Variants in NRXN3 observed in about 807,000 individuals in gnomAD.
The protein encoded by NRXN3 is neurexin 3.
In NRXN3, 32 loss-of-function variants were observed where a neutral mutation model predicts 137.6. That is an observed-to-expected ratio of 0.23 (90% confidence interval 0.18 to 0.31). The LOEUF (loss-of-function observed/expected upper bound fraction) is 0.31, where lower values mean the gene tolerates loss of function less well. Ranked by LOEUF, NRXN3 falls within the 10% of genes least tolerant of loss-of-function variation. The pLI is 1.00. For synonymous variants in NRXN3, 798 were observed against 784.5 expected (o/e 1.02, Z -0.29); for missense variants, 1,574 against 2,062.5 (o/e 0.76, Z 4.59).
At chr14:78,929,016 C>T (rs571756970) in intron 10 of NRXN3, among the ~76,000 whole-genome samples, 78 of 152,100 alleles carry the variant, frequency 5.1e-4, no homozygotes, top group Non-Finnish European at 9.3e-4. Context: ...TGGTATCTCA[C>T]TGTGGTCTTG....
intron 4 of NRXN3, among the ~76,000 whole-genome samples, chr14:78,569,586 T>A (rs949402970): frequency 1.4e-5 from 2 of 144,498 alleles, no homozygotes; most frequent in African/African-American, 5.2e-5. Context: ...TTTTTTGAGA[T>A]GGAGTCTCCC....
At chr14:79,814,596 T>C (rs543813211) in intron 20 of NRXN3, among the ~76,000 whole-genome samples, 1 of 152,336 alleles carries the variant, frequency 6.6e-6, no homozygotes, top group African/African-American at 2.4e-5. Flanking sequence ...CCCTTGTTGA[T>C]TATTTTTGGT....
intron 15 of NRXN3, among the ~76,000 whole-genome samples, chr14:79,108,564 G>C (rs2052892528): frequency 6.6e-6 from 1 of 152,114 alleles, no homozygotes; most frequent in African/African-American, 2.4e-5. Flanking sequence ...AAGGAGTACT[G>C]TCTGAAACTT....
At chr14:78,881,676 T>A (rs568227819) in intron 10 of NRXN3, among the ~76,000 whole-genome samples, 2 of 151,714 alleles carry the variant, frequency 1.3e-5, no homozygotes, top group African/African-American at 4.9e-5. Context: ...ATTTTATATA[T>A]TCACAAAGAT....
intron 8 of NRXN3, among the ~76,000 whole-genome samples, chr14:78,779,949 A>G (rs2098762729): frequency 6.6e-6 from 1 of 152,190 alleles, no homozygotes; most frequent in Non-Finnish European, 1.5e-5. Context: ...ATGGAATTTG[A>G]CAAGCTAACT....
intron 4 of NRXN3, among the ~76,000 whole-genome samples, chr14:78,425,040 T>C (rs990543738): frequency 1.3e-5 from 2 of 152,206 alleles, no homozygotes; most frequent in African/African-American, 2.4e-5. Context: ...GATCTACAAA[T>C]TGGACTGAAC....
At chr14:79,747,857 G>A (rs1203818970) in intron 19 of NRXN3, among the ~76,000 whole-genome samples, 1 of 152,082 alleles carries the variant, frequency 6.6e-6, no homozygotes, top group Non-Finnish European at 1.5e-5. Flanking sequence ...CTTGATGTGT[G>A]TCTTTGGGTG....
At chr14:78,998,101 C>G (rs1260553914) in intron 15 of NRXN3, among the ~76,000 whole-genome samples, 2 of 152,300 alleles carry the variant, frequency 1.3e-5, no homozygotes, top group East Asian at 1.9e-4. Flanking sequence ...TTTATCTTCT[C>G]TATTTCAGAA....
chr14:79,147,783 A>G (rs1225049481), intron 15 of NRXN3, among the ~76,000 whole-genome samples: 2 of 152,128 alleles, frequency 1.3e-5, no homozygotes, highest in African/African-American at 4.8e-5. Context: ...TGCTTTCCAG[A>G]TGCCACCTTT....
intron 15 of NRXN3, among the ~76,000 whole-genome samples, chr14:79,289,875 G>C (rs1161569705): frequency 3.3e-5 from 5 of 152,134 alleles, no homozygotes; most frequent in Non-Finnish European, 5.9e-5. Context: ...GATCTTGTTT[G>C]AAGACCTGTC....
chr14:78,576,401 A>T (rs77270077), intron 4 of NRXN3, among the ~76,000 whole-genome samples: 4,239 of 152,298 alleles, frequency 0.028, 65 homozygotes, highest in African/African-American at 0.031. Flanking sequence ...TTTAAAAGAG[A>T]GAGATATATA....
At chr14:78,649,578 T>G (rs2097719982) in intron 5 of NRXN3, among the ~76,000 whole-genome samples, 1 of 151,808 alleles carries the variant, frequency 6.6e-6, no homozygotes, top group African/African-American at 2.4e-5. Context: ...TTTTTTTTTT[T>G]TTAAATCTCT....
intron 15 of NRXN3, chr14:79,279,512 C>G (rs901514636): frequency 1.0e-6 from 1 of 986,316 alleles, no homozygotes; most frequent in African/African-American, 1.7e-5. Context: ...CCCTCCACCC[C>G]GTGCCACGTT....
At chr14:78,510,254 T>C (rs377463770) in intron 4 of NRXN3, among the ~76,000 whole-genome samples, 2 of 151,850 alleles carry the variant, frequency 1.3e-5, no homozygotes, top group African/African-American at 2.4e-5. Context: ...AAAATTAATA[T>C]GTGTAAAGTA....
intron 15 of NRXN3, among the ~76,000 whole-genome samples, chr14:79,042,570 G>T (rs1595288943): frequency 6.6e-6 from 1 of 152,240 alleles, no homozygotes; most frequent in Non-Finnish European, 1.5e-5. Flanking sequence ...TTTACATTGT[G>T]TTTTTCTTTT....
chr14:78,357,396 T>C (rs1361276399), intron 4 of NRXN3, among the ~76,000 whole-genome samples: 1 of 152,028 alleles, frequency 6.6e-6, no homozygotes, highest in Non-Finnish European at 1.5e-5. Flanking sequence ...TCCCACCACA[T>C]GTGGGAATTG....
intron 4 of NRXN3, among the ~76,000 whole-genome samples, chr14:78,461,728 G>A (rs1315278187): frequency 6.6e-6 from 1 of 152,132 alleles, no homozygotes; most frequent in Admixed American, 6.6e-5. Context: ...TGGGTTCAAG[G>A]CTTTTTTAAA....
At chr14:79,167,359 A>G (rs1287303334) in intron 15 of NRXN3, among the ~76,000 whole-genome samples, 1 of 151,920 alleles carries the variant, frequency 6.6e-6, no homozygotes, top group Non-Finnish European at 1.5e-5. Flanking sequence ...AGGAGGAGGT[A>G]ACTAGTGTGA....
rs980668222 is a variant in NRXN3 at position 78,374,724 on chromosome 14, T to G, written c.757+76864T>G. ...GCCGGAGGTAGCAGTGAGCTGAGAT[T>G]GCGCCACTGTACTGCAGCCTGGGGA... On this transcript the variant is annotated intron_variant, in intron 4 of 20. Coordinates refer to ENST00000335750, the MANE Select transcript of NRXN3 (RefSeq NM_001330195.2). Among the ~76,000 whole-genome samples the G allele has an allele frequency of 4.2e-5, 6 of 143,926 alleles. No individual in the cohort carries two copies. The East Asian group carries it at 1.2e-3, about 29-fold the overall frequency. 94.4% of individuals were successfully genotyped at this position (143,926 alleles called of 152,430 possible).
Sources: allele counts gnomAD v4.1 joint callset (sites outside exome capture counted in the v4.1 genomes callset), GRCh38; gene constraint gnomAD v4.1.1; transcripts MANE v1.5; gene names NCBI Gene and HGNC (gene_info 2026-07-23, HGNC 2026-07-21).